The following UHMK1 variants were observed in gnomAD, a reference collection of about 807,000 sequenced individuals.
UHMK1 encodes the protein U2AF homology motif kinase 1, also known as serine/threonine-protein kinase Kist.
Under a neutral mutation model 44.0 loss-of-function variants are expected in UHMK1, and 18 were observed. The ratio of observed to expected loss-of-function variants is 0.41; its 90% confidence interval spans 0.28 to 0.61. The LOEUF is 0.61. UHMK1 is among the 20% of genes least tolerant of loss of function. UHMK1 has a pLI of 0.31. For synonymous variants in UHMK1, 231 were observed against 198.5 expected, an observed-to-expected ratio of 1.16 and a Z score of -1.38; for missense variants, 463 against 522.5, an observed-to-expected ratio of 0.89 and a Z score of 1.11.
chr1:162,497,907 C>T lies in UHMK1; in HGVS notation c.-94C>T. On this transcript the variant is annotated 5_prime_UTR_variant, in exon 1 of 8. Transcript: ENST00000489294. ...GGCTGCAGGTCCCTCCCTGCGGAGC[C>T]GCTGGTCCGGCTGGCGGAGATGTGA... 7.0e-7 allele frequency: 1 copy of T among 1,429,654 alleles called. No individual in the cohort carries two copies. The highest frequency in any genetic ancestry group is 1.5e-5 in the South Asian group (1 of 65,614). The allele number at this position is 1,429,654 out of a possible 1,614,324, so 88.6% of individuals were successfully genotyped here. A position where few individuals can be genotyped will look rare whatever the true frequency, so the allele number is the denominator to read the frequency against.
chr1:162,500,190 A>G lies in UHMK1; in HGVS notation c.504A>G (p.Ala168=), dbSNP rs1399942072. The G allele has an allele frequency of 6.2e-7, 1 of 1,614,014 alleles. No homozygotes were observed. The highest frequency in any genetic ancestry group is 2.2e-5 in the East Asian group (1 of 44,900). Reference sequence around the variant, plus strand: ...AACCACGTAACATATTGTGGAGTGCAGAGAATGAATGTTTTAAACTCATTG... The same window carrying G: ...AACCACGTAACATATTGTGGAGTGCGGAGAATGAATGTTTTAAACTCATTG... ...DLKPRNILWS[A]ENECFKLIDF... is the part of the protein sequence containing the mutation. Residue 168 remains alanine, a synonymous_variant, in exon 2 of 8, where the codon GCA becomes GCG. Transcript: ENST00000489294.
intron 4 of UHMK1, among the ~76,000 whole-genome samples, chr1:162,512,121 G>T (rs1434052950): frequency 6.7e-6 from 1 of 149,042 alleles, no homozygotes; most frequent in African/African-American, 2.5e-5. Context: ...TTTTGGTTTT[G>T]CTATCTAGTT....
At chr1:162,512,299 A>C (rs1651694663) in intron 4 of UHMK1, among the ~76,000 whole-genome samples, 1 of 151,952 alleles carries the variant, frequency 6.6e-6, no homozygotes, top group Non-Finnish European at 1.5e-5. Flanking sequence ...TTTAAATCAC[A>C]GTATAATGTC....
Position 162,526,179 on chromosome 1 carries a change from C to G in UHMK1, c.*3629C>G, listed in dbSNP as rs1346400582. The G allele has an allele frequency of 6.6e-6, 1 of 151,846 alleles. No individual in the cohort carries two copies. Among genetic ancestry groups the G allele is most frequent in the Non-Finnish European group, 1.5e-5 (1 of 67,974 alleles). The allele number at this position is 151,846 out of a possible 1,614,324, so 9.4% of individuals were successfully genotyped here. ...TTTAGTTAATTTATCATGCAGATAA[C>G]TAACATTTGGGTATCTTTTTGTTTT... On this transcript the variant is annotated 3_prime_UTR_variant, in exon 8 of 8. Coordinates refer to ENST00000489294, the MANE Select transcript of UHMK1 (RefSeq NM_175866.5).
chr1:162,513,855 T>C (rs1651748924), intron 6 of UHMK1, among the ~76,000 whole-genome samples: 1 of 152,220 alleles, frequency 6.6e-6, no homozygotes, highest in South Asian at 2.1e-4. Flanking sequence ...TGTGAAGAAC[T>C]TTGCGTCAGG....
Position 162,523,875 on chromosome 1 carries a change from T to G in UHMK1, c.*1325T>G, listed in dbSNP as rs9405. ...AAGGAAGAAAAACTCAAAGAATTCT[T>G]AAAAGGATTCATAGCAACATAATGT... On this transcript the variant is annotated 3_prime_UTR_variant, in exon 8 of 8. Transcript: ENST00000489294. 0.43 allele frequency: 65,756 copies of G among 151,920 alleles called. 14,365 individuals are homozygous for G. The highest frequency in any genetic ancestry group is 0.46 in the Non-Finnish European group (31,153 of 67,958). The allele number at this position is 151,920 out of a possible 1,614,324, so 9.4% of individuals were successfully genotyped here.
intron 6 of UHMK1, among the ~76,000 whole-genome samples, chr1:162,517,534 G>A (rs1651874872): frequency 6.6e-6 from 1 of 152,054 alleles, no homozygotes; most frequent in Non-Finnish European, 1.5e-5. Context: ...AATATAAAAA[G>A]CAAGGTATTT....
At chr1:162,514,545 G>A (rs1467916219) in intron 6 of UHMK1, among the ~76,000 whole-genome samples, 5 of 152,040 alleles carry the variant, frequency 3.3e-5, no homozygotes, top group Non-Finnish European at 5.9e-5. Context: ...GGTTTGTTTT[G>A]TTTATTGCTA....
intron 2 of UHMK1, 160 bp from the exon 3 acceptor site, chr1:162,500,753 G>A: frequency 1.5e-6 from 1 of 654,060 alleles, no homozygotes; most frequent in Non-Finnish European, 2.6e-6. Flanking sequence ...GAACTGCCCA[G>A]TTAATGAACC....
rs1652177701 is a variant in UHMK1 at position 162,524,560 on chromosome 1, T to C, written c.*2010T>C. ...TGATTAGAAACATCAGGTCCTTAAA[T>C]ACGATGAACATGGGATACAAAGGAA... On this transcript the variant is annotated 3_prime_UTR_variant, in exon 8 of 8. Coordinates refer to ENST00000489294, the MANE Select transcript of UHMK1 (RefSeq NM_175866.5). 1.3e-5 allele frequency: 2 copies of C among 152,310 alleles called. No homozygotes were observed. Among genetic ancestry groups the C allele is most frequent in the African/African-American group, 2.4e-5 (1 of 41,562 alleles). The allele number at this position is 152,310 out of a possible 1,614,324, so 9.4% of individuals were successfully genotyped here.
chr1:162,514,860 G>T (rs1158148136), intron 6 of UHMK1, among the ~76,000 whole-genome samples: 1 of 152,178 alleles, frequency 6.6e-6, no homozygotes, highest in African/African-American at 2.4e-5. Flanking sequence ...AAGAATTTTG[G>T]TGTGGCTGTA....
chr1:162,519,111 G>A (rs929007245), intron 7 of UHMK1, among the ~76,000 whole-genome samples: 1 of 151,968 alleles, frequency 6.6e-6, no homozygotes, highest in Non-Finnish European at 1.5e-5. Flanking sequence ...GAGGTCAGGA[G>A]TTTGAGACCA....
At chr1:162,511,371 T>C (rs1651665247) in intron 4 of UHMK1, among the ~76,000 whole-genome samples, 1 of 151,874 alleles carries the variant, frequency 6.6e-6, no homozygotes, top group African/African-American at 2.4e-5. Context: ...CTTGCCATGT[T>C]GCCCAGGCTG....
rs747463599 is a variant in UHMK1, at chr1:162,500,000, C to T, written c.314C>T (p.Pro105Leu). ...ACAATCCACTTTTCTCCAAATGTGC[C>T]ATCACGCTGTCTGTTGCTTGAACTC... ...VFTIHFSPNVPSRCLLLELLD... is the reference protein window; with the variant it reads ...VFTIHFSPNVLSRCLLLELLD... The change falls in exon 2 of 8, where the codon CCA becomes CTA. Residue 105 changes from proline (P) to leucine (L), a missense_variant. Around this residue, in one of 3 missense-constraint regions of UHMK1, gnomAD observed 191 missense variants for 176.0 expected, o/e 1.09. Transcript: ENST00000489294. 6.2e-7 allele frequency: 1 copy of T among 1,614,164 alleles called. No homozygotes were observed. Among genetic ancestry groups the T allele is most frequent in the Non-Finnish European group, 8.5e-7 (1 of 1,180,042 alleles).
intron 6 of UHMK1, 81 bp from the exon 7 acceptor site, chr1:162,518,021 C>A (rs544212891): frequency 5.3e-6 from 5 of 948,062 alleles, no homozygotes; most frequent in South Asian, 4.4e-5. Flanking sequence ...TTCCTGAATT[C>A]TTTGATGATT....
chr1:162,514,980 C>G (rs999589582), intron 6 of UHMK1, among the ~76,000 whole-genome samples: 1 of 152,128 alleles, frequency 6.6e-6, no homozygotes, highest in Admixed American at 6.5e-5. Context: ...TTGGACTTCT[C>G]TAATTTTTTC....
At chr1:162,513,974 A>G (rs1424027275) in intron 6 of UHMK1, among the ~76,000 whole-genome samples, 1 of 152,234 alleles carries the variant, frequency 6.6e-6, no homozygotes, top group East Asian at 1.9e-4. Flanking sequence ...GACATAGTCA[A>G]ACCTGTATTT....
In UHMK1 at chr1:162,501,627, T is replaced by G. The variant is rs191949633; in HGVS notation, c.753+523T>G. ...TGTTCCTAGCCTGTGGCTTGGCATA[T>G]AGTAAGTGCTTGATAAAATGTTTGA... On this transcript the variant is annotated intron_variant, in intron 3 of 7. Coordinates refer to ENST00000489294, the MANE Select transcript of UHMK1 (RefSeq NM_175866.5). Among the ~76,000 whole-genome samples, 733 of 152,330 alleles carry G rather than the reference T, an allele frequency of 4.8e-3. 5 individuals carry two copies. The highest frequency in any genetic ancestry group is 0.017 in the African/African-American group (692 of 41,588).
Position 162,497,821 on chromosome 1 carries a change from A to C in UHMK1, c.-180A>C. 8 of 1,298,932 alleles carry C rather than the reference A, an allele frequency of 6.2e-6. No individual in the cohort carries two copies. The highest frequency in any genetic ancestry group is 7.8e-6 in the Non-Finnish European group (8 of 1,026,496). The allele number at this position is 1,298,932 out of a possible 1,614,324, so 80.5% of individuals were successfully genotyped here. ...TCTTCCTCCATTTCCGGCTTCTGGG[A>C]CTCGGGTGCACCACGGCTTCCGGTG... On this transcript the variant is annotated 5_prime_UTR_variant, in exon 1 of 8. Transcript: ENST00000489294.
Sources: gnomAD v4.1 joint callset for allele counts (sites outside exome capture counted in the v4.1 genomes callset) on GRCh38, gnomAD v4.1.1 for gene constraint, gnomAD v4.1.1 regional missense constraint, MANE v1.5 for transcripts, NCBI Gene and HGNC (gene_info 2026-07-23, HGNC 2026-07-21) for gene names.